Variants in THEMIS observed in about 807,000 individuals in gnomAD.
The protein encoded by THEMIS is thymocyte selection associated, also known as protein THEMIS.
A neutral mutation model predicts 52.6 loss-of-function variants in THEMIS; 37 were observed. That is an observed-to-expected ratio of 0.70 (90% CI 0.54 to 0.93). THEMIS has a LOEUF of 0.93. THEMIS is among the 40% of genes least tolerant of loss of function. The probability of loss-of-function intolerance (pLI) is 0.00; values close to 1 mark genes in which losing one functional copy is unlikely to be tolerated. For synonymous variants in THEMIS, 292 were observed against 272.7 expected (o/e 1.07, Z -0.70); for missense variants, 808 against 763.1 (o/e 1.06, Z -0.69).
At chr6:127,906,227 C>G (rs978550794) in intron 1 of THEMIS, among the ~76,000 whole-genome samples, 4 of 151,200 alleles carry the variant, frequency 2.6e-5, no homozygotes, top group Non-Finnish European at 1.5e-5. Flanking sequence ...GAAACTACAT[C>G]AATATTACAT....
At chr6:127,796,008 T>G (rs1449963171) in intron 4 of THEMIS, among the ~76,000 whole-genome samples, 1 of 152,160 alleles carries the variant, frequency 6.6e-6, no homozygotes, top group Admixed American at 6.5e-5. Flanking sequence ...TGATCCTCAC[T>G]CCATACTATA....
chr6:127,806,855 C>A (rs900695830), intron 4 of THEMIS, among the ~76,000 whole-genome samples: 1 of 152,164 alleles, frequency 6.6e-6, no homozygotes, highest in Non-Finnish European at 1.5e-5. Flanking sequence ...TTTGTACCTT[C>A]GAGGTTTCAG....
intron 1 of THEMIS, among the ~76,000 whole-genome samples, chr6:127,912,261 T>G (rs1440740665): frequency 6.6e-6 from 1 of 152,216 alleles, no homozygotes; most frequent in African/African-American, 2.4e-5. Flanking sequence ...GTGTGTTTAC[T>G]CAATGTTTCT....
At chr6:127,875,788 G>A (rs190249966) in intron 1 of THEMIS, among the ~76,000 whole-genome samples, 2 of 152,314 alleles carry the variant, frequency 1.3e-5, no homozygotes, top group Non-Finnish European at 2.9e-5. Flanking sequence ...CTGTTTCAGA[G>A]CTTTGGTAAT....
chr6:127,890,782 ATAT>A (rs1471152942), intron 1 of THEMIS, among the ~76,000 whole-genome samples: 7 of 152,080 alleles, frequency 4.6e-5, no homozygotes, highest in Non-Finnish European at 7.4e-5. Flanking sequence ...AAAATAGTGT[ATAT>A]TATTAACAAA....
At chr6:127,832,796 T>TTTTTTTTTG in intron 2 of THEMIS, among the ~76,000 whole-genome samples, 1 of 137,730 alleles carries the variant, frequency 7.3e-6, no homozygotes, top group Non-Finnish European at 1.5e-5. Context: ...TTTTTTTTTT[T>TTTTTTTTTG]TTTTTGAGAT....
At chr6:127,900,712 C>CT in intron 1 of THEMIS, 130 bp downstream of exon 1, 1 of 795,764 alleles carries the variant, frequency 1.3e-6, no homozygotes, top group Non-Finnish European at 2.1e-6. Context: ...CAGTTCATTA[C>CT]TTTCTTTTGT....
chr6:127,859,072 C>A (rs2114321256), intron 1 of THEMIS, among the ~76,000 whole-genome samples: 1 of 152,220 alleles, frequency 6.6e-6, no homozygotes, highest in African/African-American at 2.4e-5. Flanking sequence ...CTTCCATCTT[C>A]CCTACAAAGT....
downstream of THEMIS, chr6:127,707,973 C>G (rs1260012145): frequency 1.3e-5 from 2 of 152,056 alleles, no homozygotes; most frequent in Admixed American, 6.6e-5. Context: ...ATCTATGCAG[C>G]TTGGCCATGC....
At chr6:127,731,999 C>T (rs6905527) in intron 4 of THEMIS, among the ~76,000 whole-genome samples, 19,711 of 147,766 alleles carry the variant, frequency 0.13, 1,339 homozygotes, top group Non-Finnish European at 0.16. Flanking sequence ...AGCCACCTTG[C>T]CTGGCCATTT....
chr6:127,856,024 T>C (rs1274860674), intron 1 of THEMIS, among the ~76,000 whole-genome samples: 8 of 152,002 alleles, frequency 5.3e-5, no homozygotes, highest in Admixed American at 5.3e-4. Context: ...GCTTTACAAT[T>C]CAACACTAAC....
chr6:127,863,415 C>T (rs1200395283), intron 1 of THEMIS, among the ~76,000 whole-genome samples: 2 of 152,166 alleles, frequency 1.3e-5, no homozygotes, highest in Non-Finnish European at 2.9e-5. Flanking sequence ...GCAGCTCTTA[C>T]TGTTAAAAAT....
chr6:127,864,271 A>G (rs1779902293), intron 1 of THEMIS, among the ~76,000 whole-genome samples: 1 of 152,090 alleles, frequency 6.6e-6, no homozygotes, highest in African/African-American at 2.4e-5. Context: ...TTTTTAGTAC[A>G]AAGAGAAAAA....
intron 4 of THEMIS, among the ~76,000 whole-genome samples, chr6:127,805,425 C>T (rs1196118356): frequency 2.6e-5 from 4 of 152,096 alleles, no homozygotes; most frequent in East Asian, 1.9e-4. Context: ...CCTTAAATAA[C>T]GCATGCATGA....
intron 4 of THEMIS, among the ~76,000 whole-genome samples, chr6:127,732,067 T>C (rs952694227): frequency 6.6e-6 from 1 of 150,930 alleles, no homozygotes; most frequent in Non-Finnish European, 1.5e-5. Context: ...TGTTACGCAG[T>C]ATTGGATTGA....
chr6:127,828,520 C>T (rs1259708474), intron 3 of THEMIS, among the ~76,000 whole-genome samples: 1 of 152,126 alleles, frequency 6.6e-6, no homozygotes, highest in African/African-American at 2.4e-5. Context: ...ATCTAGGACT[C>T]CAAGTTCAGA....
downstream of THEMIS, among the ~76,000 whole-genome samples, chr6:127,703,603 T>C (rs1167324890): frequency 6.6e-6 from 1 of 152,146 alleles, no homozygotes; most frequent in African/African-American, 2.4e-5. Context: ...TAGGGCCCCA[T>C]AGCTTAAGTA....
chr6:127,708,063 C>T (rs1239728784), downstream of THEMIS: 3 of 151,580 alleles, frequency 2.0e-5, no homozygotes, highest in African/African-American at 7.3e-5. Flanking sequence ...CAATCTCCCT[C>T]CTCATGGCTT....
At chr6:127,822,527 T>C (rs1778375074) in intron 3 of THEMIS, among the ~76,000 whole-genome samples, 1 of 152,038 alleles carries the variant, frequency 6.6e-6, no homozygotes, top group Non-Finnish European at 1.5e-5. Flanking sequence ...TTGATATGAG[T>C]TTATTTGTAA....
Sources: gnomAD v4.1 joint callset for allele counts (sites outside exome capture counted in the v4.1 genomes callset) on GRCh38, gnomAD v4.1.1 for gene constraint, MANE v1.5 for transcripts, NCBI Gene and HGNC (gene_info 2026-07-23, HGNC 2026-07-21) for gene names.